SHC3: variants seen among roughly 807,000 people sequenced by gnomAD.
SHC3 encodes SHC adaptor protein 3, also known as SHC-transforming protein 3.
A neutral mutation model predicts 60.4 loss-of-function variants in SHC3; 15 were observed. That is an observed-to-expected ratio of 0.25 (90% CI 0.17 to 0.38). The LOEUF (loss-of-function observed/expected upper bound fraction) is 0.38. SHC3 is among the 10% of genes least tolerant of loss of function. The pLI, the probability that SHC3 is intolerant of heterozygous loss-of-function variation, is 1.00. For missense variants in SHC3, 677 were observed against 786.1 expected, an observed-to-expected ratio of 0.86 and a Z score of 1.66; for synonymous variants, 294 against 325.9, an observed-to-expected ratio of 0.90 and a Z score of 1.05.
intron 6 of SHC3, among the ~76,000 whole-genome samples, chr9:89,063,139 C>CT (rs1026421341): frequency 3.1e-4 from 47 of 151,676 alleles, no homozygotes; most frequent in South Asian, 1.7e-3. Flanking sequence ...GCTGTGACAG[C>CT]TTTTTTTTTG....
Position 89,011,829 on chromosome 9 carries a change from T to C in SHC3, c.*1618A>G, listed in dbSNP as rs561057379. On this transcript the variant is annotated 3_prime_UTR_variant, in exon 12 of 12. Coordinates refer to ENST00000375835, the MANE Select transcript of SHC3 (RefSeq NM_016848.6). ...AAGGCAAAGACTCCCTAGAAGGCCA[T>C]GTATGAAGGCTGGGGCCTGCCCTGA... 6.6e-6 allele frequency: 1 copy of C among 152,448 alleles called. No homozygotes were observed. Among genetic ancestry groups the C allele is most frequent in the East Asian group, 1.9e-4 (1 of 5,194 alleles). 9.4% of individuals were successfully genotyped at this position (152,448 alleles called of 1,614,324 possible). A position where few individuals can be genotyped will look rare whatever the true frequency, so the allele number is the denominator to read the frequency against.
intron 6 of SHC3, among the ~76,000 whole-genome samples, chr9:89,056,676 C>T (rs1396283107): frequency 6.6e-6 from 1 of 152,250 alleles, no homozygotes; most frequent in Non-Finnish European, 1.5e-5. Flanking sequence ...AGCACATGGG[C>T]TGGCAGCAGA....
chr9:89,117,001 G>A (rs943909288), intron 1 of SHC3, among the ~76,000 whole-genome samples: 2 of 152,172 alleles, frequency 1.3e-5, no homozygotes, highest in Non-Finnish European at 2.9e-5. Context: ...CTGTCATAGG[G>A]TTATGTTAAG....
chr9:89,170,357 A>G (rs920313201), intron 1 of SHC3, among the ~76,000 whole-genome samples: 1 of 152,248 alleles, frequency 6.6e-6, no homozygotes, highest in Admixed American at 6.5e-5. Context: ...AGAAAGATGC[A>G]TATGTCGGCC....
intron 2 of SHC3, among the ~76,000 whole-genome samples, chr9:89,086,840 T>G (rs1355531667): frequency 1.3e-5 from 2 of 152,228 alleles, no homozygotes; most frequent in African/African-American, 4.8e-5. Flanking sequence ...AAAGACCAAA[T>G]GCATATTTCA....
At chr9:89,110,269 T>A in intron 2 of SHC3, 1 of 985,058 alleles carries the variant, frequency 1.0e-6, no homozygotes, top group South Asian at 4.7e-5. Flanking sequence ...AAATTTTAAA[T>A]TAAACAGATA....
At chr9:89,177,085 C>A (rs1218702507) in intron 1 of SHC3, among the ~76,000 whole-genome samples, 1 of 152,212 alleles carries the variant, frequency 6.6e-6, no homozygotes, top group Non-Finnish European at 1.5e-5. Context: ...CCATCCTTAA[C>A]CCCTGTCTGC....
At chr9:89,083,364 A>G (rs1411686417) in intron 2 of SHC3, among the ~76,000 whole-genome samples, 1 of 152,246 alleles carries the variant, frequency 6.6e-6, no homozygotes, top group Non-Finnish European at 1.5e-5. Context: ...CCAGACCAGG[A>G]AGGAGCACAG....
At chr9:89,038,815 G>A (rs1194982299) in intron 10 of SHC3, among the ~76,000 whole-genome samples, 2 of 152,200 alleles carry the variant, frequency 1.3e-5, no homozygotes, top group African/African-American at 4.8e-5. Context: ...AAAGCTGACG[G>A]GTGTTGGGTT....
At chr9:89,015,788 G>A (rs562021343) in intron 11 of SHC3, among the ~76,000 whole-genome samples, 2 of 152,340 alleles carry the variant, frequency 1.3e-5, no homozygotes, top group African/African-American at 2.4e-5. Flanking sequence ...CACATGGAAT[G>A]TTAACCCCAG....
intron 6 of SHC3, among the ~76,000 whole-genome samples, chr9:89,063,379 C>T (rs1031948621): frequency 3.9e-5 from 6 of 152,224 alleles, no homozygotes; most frequent in South Asian, 2.1e-4. Flanking sequence ...CTGCCCGCCT[C>T]GGCCTCCCAA....
At chr9:89,141,875 G>C (rs759661090) in intron 1 of SHC3, among the ~76,000 whole-genome samples, 10 of 152,256 alleles carry the variant, frequency 6.6e-5, no homozygotes, top group African/African-American at 2.4e-4. Flanking sequence ...GCAGCAGGGT[G>C]GGGGAGGCGA....
chr9:89,027,353 G>A (rs369973572), intron 11 of SHC3, among the ~76,000 whole-genome samples: 15 of 119,886 alleles, frequency 1.3e-4, no homozygotes, highest in South Asian at 9.0e-4. Flanking sequence ...ACTGAGTCTC[G>A]CTGTCGCCCA....
intron 1 of SHC3, among the ~76,000 whole-genome samples, chr9:89,141,875 G>A (rs759661090): frequency 2.2e-4 from 34 of 152,256 alleles, no homozygotes; most frequent in African/African-American, 8.2e-4. Context: ...GCAGCAGGGT[G>A]GGGGAGGCGA....
chr9:89,139,275 A>G (rs1006849513), intron 1 of SHC3, among the ~76,000 whole-genome samples: 1 of 152,204 alleles, frequency 6.6e-6, no homozygotes, highest in African/African-American at 2.4e-5. Flanking sequence ...AAAACAACCA[A>G]TGAGACTAGA....
Position 89,046,214 on chromosome 9 carries a change from G to A in SHC3, c.1114-381C>T, listed in dbSNP as rs545405342. On this transcript the variant is annotated intron_variant, in intron 8 of 11. Coordinates refer to ENST00000375835, the MANE Select transcript of SHC3 (RefSeq NM_016848.6). The stretch of plus-strand genomic sequence containing the variant: ...ATACGCCCATGATCGTTCACACTTG[G>A]TCAAGTCCACTCTGTAAACCAGGAA... Among the ~76,000 whole-genome samples the A allele has an allele frequency of 3.3e-5, 5 of 151,988 alleles. No individual in the cohort carries two copies. The South Asian group carries it at 1.0e-3, about 32-fold the overall frequency.
At chr9:89,138,386 C>T (rs1826348867) in intron 1 of SHC3, among the ~76,000 whole-genome samples, 1 of 150,636 alleles carries the variant, frequency 6.6e-6, no homozygotes, top group Non-Finnish European at 1.5e-5. Context: ...TTATTCATGC[C>T]TCCCCTTTTA....
At chr9:89,038,401 G>A (rs1349226776) in intron 10 of SHC3, 113 bp from the exon 11 acceptor site, 22 of 1,173,098 alleles carry the variant, frequency 1.9e-5, no homozygotes, top group Non-Finnish European at 2.6e-5. Context: ...AACTCCTCCA[G>A]AAGGGGAAAA....
chr9:89,070,342 T>A (rs1043029635), intron 5 of SHC3, among the ~76,000 whole-genome samples: 7 of 152,214 alleles, frequency 4.6e-5, no homozygotes, highest in Non-Finnish European at 8.8e-5. Flanking sequence ...TCCCTCTCCC[T>A]TCTGGAAAGG....
Sources: allele counts gnomAD v4.1 joint callset (sites outside exome capture counted in the v4.1 genomes callset), GRCh38; gene constraint gnomAD v4.1.1; transcripts MANE v1.5; gene names NCBI Gene and HGNC (gene_info 2026-07-23, HGNC 2026-07-21).